SCN1A: variants seen among roughly 807,000 people sequenced by gnomAD.
The protein encoded by SCN1A is sodium voltage-gated channel alpha subunit 1.
SCN1A carries 13 observed loss-of-function variants against 193.7 expected under a neutral mutation model. The observed-to-expected ratio is 0.07, with a 90% CI of 0.04 to 0.11. SCN1A has a LOEUF of 0.11. Among genes scored for constraint, SCN1A ranks in the 10% least tolerant of loss-of-function variants. The probability of loss-of-function intolerance (pLI) is 1.00; values close to 1 mark genes in which losing one functional copy is unlikely to be tolerated. For synonymous variants in SCN1A, 781 were observed against 843.6 expected, an observed-to-expected ratio of 0.93 and a Z score of 1.29; for missense variants, 1,432 against 2,451.1, an observed-to-expected ratio of 0.58 and a Z score of 8.78.
chr2:166,074,320 TA>T (rs570771118), intron 3 of SCN1A, among the ~76,000 whole-genome samples: 1 of 152,098 alleles, frequency 6.6e-6, no homozygotes, highest in East Asian at 1.9e-4. Context: ...TTTATGTGAG[TA>T]AGAAGGAGAG....
At chr2:166,110,110 C>T (rs570139126) in intron 2 of SCN1A, among the ~76,000 whole-genome samples, 4 of 152,108 alleles carry the variant, frequency 2.6e-5, no homozygotes, top group Admixed American at 2.6e-4. Context: ...ATATGATACG[C>T]CTGTATCAAA....
intron 2 of SCN1A, among the ~76,000 whole-genome samples, chr2:166,082,837 A>G (rs1685683135): frequency 6.6e-6 from 1 of 152,064 alleles, no homozygotes; most frequent in Non-Finnish European, 1.5e-5. Context: ...TATATCTTCA[A>G]TTCTGTCTAT....
rs76743139 is a variant in SCN1A at position 166,013,711 on chromosome 2, A to C, written c.3705+33T>G. On this transcript the variant is annotated intron_variant, in intron 21 of 28. Transcript: ENST00000674923. ...TCAGTATTAGAGTGTTCTAAAAATT[A>C]GTGCTGTATCACCTTTTCTTAATCT... 15,668 of 1,600,378 alleles carry C rather than the reference A, an allele frequency of 9.8e-3. 142 individuals carry two copies. Among genetic ancestry groups the C allele is most frequent in the Non-Finnish European group, 0.01 (12,066 of 1,168,746 alleles).
intron 12 of SCN1A, 26 bp downstream of exon 12, chr2:166,046,744 A>G (rs773876395): frequency 6.2e-7 from 1 of 1,603,836 alleles, no homozygotes; most frequent in East Asian, 2.2e-5. Context: ...ATAAAAGGTC[A>G]GTGCCATGAG....
rs1693408060 is a variant in SCN1A, at chr2:166,017,082, G to A, written c.3430-1355C>T. On this transcript the variant is annotated intron_variant, in intron 19 of 28. Coordinates refer to ENST00000674923, the MANE Select transcript of SCN1A (RefSeq NM_001165963.4). ...CTTACCTGACAGTTACAGAAAATTA[G>A]GACCTATAATGGCATGTAGCTCTGT... Among the ~76,000 whole-genome samples, 4 of 150,214 alleles carry A rather than the reference G, an allele frequency of 2.7e-5. No individual in the cohort carries two copies. The South Asian group carries it at 8.4e-4, about 32-fold the overall frequency.
At chr2:166,082,811 A>C (rs566116940) in intron 2 of SCN1A, among the ~76,000 whole-genome samples, 5 of 152,058 alleles carry the variant, frequency 3.3e-5, no homozygotes, top group Non-Finnish European at 5.9e-5. Flanking sequence ...ATATAATCTG[A>C]TGTGGAGAAA....
At chr2:166,012,949 T>C (rs1692736820) in intron 21 of SCN1A, among the ~76,000 whole-genome samples, 1 of 151,268 alleles carries the variant, frequency 6.6e-6, no homozygotes, top group South Asian at 2.1e-4. Context: ...AATATTTCTT[T>C]CTTCAGAAAA....
Position 166,009,808 on chromosome 2 carries a change from C to A in SCN1A, c.3913G>T (p.Gly1305Cys). The A allele has an allele frequency of 6.2e-7, 1 of 1,606,958 alleles. No individual in the cohort carries two copies. ...SLVSLTANAL[G>C]YSELGAIKSL... is the part of the protein sequence containing the mutation. ...TTGATGGCTCCAAGTTCTGAGTAAC[C>A]CAAGGCATTTGCTGTTAAACTGACC... The change falls in exon 23 of 29, where the codon GGT becomes TGT. Residue 1305 changes from glycine to cysteine, a missense_variant. This residue lies in a region of SCN1A where 107 missense variants were observed against 259.4 expected (regional missense o/e 0.41). Coordinates refer to ENST00000674923, the MANE Select transcript of SCN1A (RefSeq NM_001165963.4).
chr2:166,108,356 A>G (rs968817051), intron 2 of SCN1A, among the ~76,000 whole-genome samples: 2 of 152,134 alleles, frequency 1.3e-5, no homozygotes, highest in Non-Finnish European at 2.9e-5. Flanking sequence ...ATATATTGTT[A>G]GTAGGAATGT....
Position 166,051,776 on chromosome 2 carries a change from T to A in SCN1A, c.907A>T (p.Thr303Ser), listed in dbSNP as rs774358847. The A allele has an allele frequency of 1.1e-5, 18 of 1,610,386 alleles. No individual in the cohort carries two copies. Among genetic ancestry groups the A allele is most frequent in the Non-Finnish European group, 1.5e-5 (18 of 1,177,248 alleles). Residue 303 changes from threonine (T) to serine (S), a missense_variant, in exon 9 of 29, where the codon ACA (threonine) becomes TCA (serine). Transcript: ENST00000674923. ...EKNITVNYNG[T>S]LINETVFEFD... ...TCAAAGACAGTTTCATTTATAAGTGTACCATTATAATTCACAGTTATATTC... is the reference window on the plus strand; with the variant it reads ...TCAAAGACAGTTTCATTTATAAGTGAACCATTATAATTCACAGTTATATTC...
chr2:166,051,861 C>T lies in SCN1A; in HGVS notation c.822G>A (p.Arg274=), dbSNP rs1018184591. The part of the protein sequence containing the change: ...IGLQLFMGNL[R]NKCIQWPPTN... ...TGGGAGGCCATTGTATACATTTATT[C>T]CTCAGGTTGCCCATGAACAGCTGCA... Residue 274 remains arginine, a synonymous_variant, in exon 9 of 29, where the codon AGG becomes AGA. Transcript: ENST00000674923. 2 of 1,612,522 alleles carry T rather than the reference C, an allele frequency of 1.2e-6. No homozygotes were observed.
rs1276982403 is a variant in SCN1A at position 166,073,385 on chromosome 2, G to C, written c.237C>G (p.Asp79Glu). ...PPEMVSEPLE[D>E]LDPYYINKKT... Reference sequence around the variant, plus strand: ...TCTTATTGATATAGTAGGGGTCCAGGTCCTCCAGGGGCTCTGACACCATCT... The same window carrying C: ...TCTTATTGATATAGTAGGGGTCCAGCTCCTCCAGGGGCTCTGACACCATCT... The change falls in exon 4 of 29, where the codon GAC (aspartate) becomes GAG (glutamate). Residue 79 changes from aspartate to glutamate, a missense_variant. This residue lies in a region of SCN1A where 123 missense variants were observed against 282.8 expected (regional missense o/e 0.43). Transcript: ENST00000674923. The C allele has an allele frequency of 6.2e-7, 1 of 1,613,946 alleles. No homozygotes were observed.
chr2:166,038,640 T>C (rs1345500014), intron 17 of SCN1A, among the ~76,000 whole-genome samples: 3 of 152,158 alleles, frequency 2.0e-5, no homozygotes, highest in Non-Finnish European at 2.9e-5. Flanking sequence ...GCCAGGCCTC[T>C]TATAGTGAAT....
intron 14 of SCN1A, 78 bp from the exon 15 acceptor site, chr2:166,042,502 G>A: frequency 7.4e-7 from 1 of 1,354,464 alleles, no homozygotes; most frequent in Non-Finnish European, 1.1e-6. Context: ...GTGACACAGT[G>A]AATTTCATGA....
At chr2:166,029,678 A>G (rs1695289486) in intron 19 of SCN1A, among the ~76,000 whole-genome samples, 1 of 152,196 alleles carries the variant, frequency 6.6e-6, no homozygotes, top group African/African-American at 2.4e-5. Flanking sequence ...TCACCTATTT[A>G]TTCATTCATT....
intron 22 of SCN1A, among the ~76,000 whole-genome samples, chr2:166,010,355 G>GGTA (rs1167032744): frequency 1.3e-5 from 2 of 151,000 alleles, no homozygotes; most frequent in Non-Finnish European, 3.0e-5. Flanking sequence ...ATTTTGTCTT[G>GGTA]GTAATACCTT....
intron 4 of SCN1A, among the ~76,000 whole-genome samples, chr2:166,067,894 AG>A (rs1252858301): frequency 7.2e-5 from 11 of 152,254 alleles, no homozygotes; most frequent in African/African-American, 2.6e-4. Context: ...AGCCAAAGTG[AG>A]TGGTTCAGAG....
chr2:166,068,477 T>C (rs1234483880), intron 4 of SCN1A, among the ~76,000 whole-genome samples: 1 of 152,132 alleles, frequency 6.6e-6, no homozygotes, highest in South Asian at 2.1e-4. Context: ...TTACAGGAGC[T>C]GATGATAAGC....
intron 19 of SCN1A, among the ~76,000 whole-genome samples, chr2:166,032,361 A>G (rs1695760035): frequency 6.6e-6 from 1 of 152,084 alleles, no homozygotes; most frequent in Non-Finnish European, 1.5e-5. Flanking sequence ...AACAAAAAGA[A>G]CCAAAATGAT....
Sources: allele counts gnomAD v4.1 joint callset (sites outside exome capture counted in the v4.1 genomes callset), GRCh38; gene constraint gnomAD v4.1.1; regional missense constraint gnomAD v4.1.1; transcripts MANE v1.5; gene names NCBI Gene and HGNC (gene_info 2026-07-23, HGNC 2026-07-21).